EXOC6B: variants seen among roughly 807,000 people sequenced by gnomAD.
EXOC6B encodes SEC15 homolog B.
In EXOC6B, 54 loss-of-function variants were observed where a neutral mutation model predicts 113.5. The observed-to-expected ratio is 0.48, with a 90% CI of 0.38 to 0.60. The LOEUF (loss-of-function observed/expected upper bound fraction) is 0.60, where lower values mean the gene tolerates loss of function less well. EXOC6B is among the 20% of genes least tolerant of loss of function. EXOC6B has a pLI of 0.00. For missense variants in EXOC6B, 797 were observed against 977.5 expected (o/e 0.82, Z 2.46); for synonymous variants, 357 against 339.0 (o/e 1.05, Z -0.58).
intron 8 of EXOC6B, among the ~76,000 whole-genome samples, chr2:72,555,346 G>A (rs2103655756): frequency 6.6e-6 from 1 of 152,252 alleles, no homozygotes; most frequent in South Asian, 2.1e-4. Context: ...CTTCCCCAAT[G>A]GTTGAACTAA....
intron 20 of EXOC6B, among the ~76,000 whole-genome samples, chr2:72,265,619 T>C (rs1243762575): frequency 1.3e-5 from 2 of 151,804 alleles, no homozygotes; most frequent in Non-Finnish European, 2.9e-5. Context: ...TTCCATGGTG[T>C]ATATGTGCCA....
intron 6 of EXOC6B, among the ~76,000 whole-genome samples, chr2:72,595,926 T>C (rs974246254): frequency 3.9e-5 from 6 of 151,986 alleles, no homozygotes; most frequent in Admixed American, 3.9e-4. Flanking sequence ...TACCAAAATA[T>C]AGCCTAGAAA....
intron 1 of EXOC6B, among the ~76,000 whole-genome samples, chr2:72,759,792 T>C (rs763310091): frequency 6.6e-6 from 1 of 152,182 alleles, no homozygotes; most frequent in Non-Finnish European, 1.5e-5. Flanking sequence ...TATTGATTCT[T>C]TAGAAAAAGT....
intron 18 of EXOC6B, among the ~76,000 whole-genome samples, chr2:72,402,399 A>G (rs1203768687): frequency 6.6e-6 from 1 of 152,206 alleles, no homozygotes; most frequent in Non-Finnish European, 1.5e-5. Context: ...AAAATATAAC[A>G]CTGATTTTTA....
At chr2:72,507,020 T>C (rs1299385242) in intron 11 of EXOC6B, among the ~76,000 whole-genome samples, 1 of 152,122 alleles carries the variant, frequency 6.6e-6, no homozygotes. Context: ...TGTAAGATCT[T>C]ATGTTTTGAA....
intron 20 of EXOC6B, among the ~76,000 whole-genome samples, chr2:72,323,493 C>A (rs1687960474): frequency 6.6e-6 from 1 of 151,970 alleles, no homozygotes; most frequent in Admixed American, 6.6e-5. Flanking sequence ...GGGTATGTAC[C>A]CAAAGGATTA....
intron 1 of EXOC6B, among the ~76,000 whole-genome samples, chr2:72,770,309 T>C (rs1683339964): frequency 7.4e-6 from 1 of 135,932 alleles, no homozygotes; most frequent in African/African-American, 3.3e-5. Context: ...GTCAACTATC[T>C]TATACCAGTA....
intron 7 of EXOC6B, among the ~76,000 whole-genome samples, chr2:72,564,841 T>C (rs1393281438): frequency 1.3e-5 from 2 of 152,114 alleles, no homozygotes; most frequent in Non-Finnish European, 2.9e-5. Flanking sequence ...CAGAACCCTA[T>C]CCTAAAAAAG....
At chr2:72,371,950 T>C (rs1691049855) in intron 19 of EXOC6B, among the ~76,000 whole-genome samples, 1 of 152,128 alleles carries the variant, frequency 6.6e-6, no homozygotes. Flanking sequence ...AAAAAAATGA[T>C]AAGAATTGAT....
intron 6 of EXOC6B, among the ~76,000 whole-genome samples, chr2:72,707,146 C>T (rs902651208): frequency 2.0e-5 from 3 of 152,118 alleles, no homozygotes; most frequent in Admixed American, 6.5e-5. Flanking sequence ...AAATTCCTGA[C>T]CCACAGATTT....
intron 20 of EXOC6B, among the ~76,000 whole-genome samples, chr2:72,316,550 T>C (rs1483893219): frequency 1.3e-5 from 2 of 152,214 alleles, no homozygotes; most frequent in Non-Finnish European, 2.9e-5. Flanking sequence ...TGAATCTATT[T>C]GTGGGAGTTT....
chr2:72,251,750 G>C (rs1683030673), intron 20 of EXOC6B, among the ~76,000 whole-genome samples: 1 of 152,090 alleles, frequency 6.6e-6, no homozygotes, highest in South Asian at 2.1e-4. Context: ...TGCCCTTTTG[G>C]AACTTTATCC....
intron 5 of EXOC6B, among the ~76,000 whole-genome samples, chr2:72,721,433 GAA>G (rs34698268): frequency 9.5e-6 from 1 of 105,152 alleles, no homozygotes; most frequent in Non-Finnish European, 1.8e-5. Flanking sequence ...GCCAACATAT[GAA>G]AAAAAAAAAA....
intron 7 of EXOC6B, among the ~76,000 whole-genome samples, chr2:72,571,445 G>A (rs777389184): frequency 6.6e-6 from 1 of 151,832 alleles, no homozygotes; most frequent in Non-Finnish European, 1.5e-5. Context: ...TTAAATATCA[G>A]CAGCTTCATA....
At chr2:72,459,435 A>T (rs1487628216) in intron 18 of EXOC6B, among the ~76,000 whole-genome samples, 1 of 152,106 alleles carries the variant, frequency 6.6e-6, no homozygotes, top group Non-Finnish European at 1.5e-5. Context: ...GAAGATGACA[A>T]GATTGTATAT....
chr2:72,228,166 G>T (rs1681362771), intron 20 of EXOC6B, among the ~76,000 whole-genome samples: 2 of 152,162 alleles, frequency 1.3e-5, no homozygotes, highest in Non-Finnish European at 2.9e-5. Context: ...GGGCTGATGA[G>T]GTATGGTAGG....
At chr2:72,540,674 A>ACTCTAGAACAGGGATAAGCATC (rs1702549923) in intron 8 of EXOC6B, among the ~76,000 whole-genome samples, 1 of 152,164 alleles carries the variant, frequency 6.6e-6, no homozygotes, top group Non-Finnish European at 1.5e-5. Flanking sequence ...TAGAGGATTC[A>ACTCTAGAACAGGGATAAGCATC]CTCTAGAACA....
intron 7 of EXOC6B, among the ~76,000 whole-genome samples, chr2:72,564,723 A>T (rs1463926744): frequency 1.3e-5 from 2 of 152,206 alleles, no homozygotes; most frequent in Non-Finnish European, 2.9e-5. Context: ...GCTAGACTAA[A>T]CACCACAGAA....
chr2:72,388,196 G>T (rs1255533480), intron 18 of EXOC6B, among the ~76,000 whole-genome samples: 1 of 152,164 alleles, frequency 6.6e-6, no homozygotes, highest in African/African-American at 2.4e-5. Flanking sequence ...AAGAAACTTT[G>T]CTCCAACCAG....
Sources: allele counts gnomAD v4.1 joint callset (sites outside exome capture counted in the v4.1 genomes callset), GRCh38; gene constraint gnomAD v4.1.1; transcripts MANE v1.5; gene names NCBI Gene and HGNC (gene_info 2026-07-23, HGNC 2026-07-21).